The following VPS13D variants were observed in gnomAD, a reference collection of about 807,000 sequenced individuals.
VPS13D encodes the protein intermembrane lipid transfer protein VPS13D.
Under a neutral mutation model 461.9 loss-of-function variants are expected in VPS13D, and 187 were observed. That is an observed-to-expected ratio of 0.40 (90% CI 0.36 to 0.46). The LOEUF (loss-of-function observed/expected upper bound fraction) is 0.46, where lower values mean the gene tolerates loss of function less well. Among genes scored for constraint, VPS13D ranks in the 20% least tolerant of loss-of-function variants. The probability of loss-of-function intolerance (pLI) is 0.60; values close to 1 mark genes in which losing one functional copy is unlikely to be tolerated. For missense variants in VPS13D, 4,711 were observed against 5,364.9 expected (o/e 0.88, Z 3.81); for synonymous variants, 1,951 against 1,986.3 (o/e 0.98, Z 0.47).
chr1:12,319,976 G>A (rs779403038), intron 32 of VPS13D, among the ~76,000 whole-genome samples: 10 of 152,196 alleles, frequency 6.6e-5, no homozygotes, highest in African/African-American at 2.4e-4. Context: ...AGGTGAGGCC[G>A]TGGGTCTCAT....
intron 54 of VPS13D, among the ~76,000 whole-genome samples, chr1:12,371,071 A>AT (rs1644108765): frequency 6.6e-6 from 1 of 152,242 alleles, no homozygotes; most frequent in African/African-American, 2.4e-5. Flanking sequence ...GAGGTGAAAC[A>AT]TAACATAAAA....
chr1:12,508,907 T>G lies in VPS13D; in HGVS notation c.13050T>G (p.Ser4350=). The G allele has an allele frequency of 6.2e-7, 1 of 1,614,102 alleles. No individual in the cohort carries two copies. The highest frequency in any genetic ancestry group is 8.5e-7 in the Non-Finnish European group (1 of 1,179,992). ...CTCCTCCTTAGGTCCATGTGAAATC[T>G]GAGGTCCTTGCTGTCAAGTTGTCAC... ...SHQKPMVHVK[S]EVLAVKLSQE... The change falls in exon 70 of 70, where the codon TCT becomes TCG. Residue 4350 remains serine, a synonymous_variant. Transcript: ENST00000620676.
intron 65 of VPS13D, among the ~76,000 whole-genome samples, chr1:12,455,388 C>T (rs182403698): frequency 1.1e-3 from 163 of 152,310 alleles, no homozygotes; most frequent in Non-Finnish European, 1.8e-3. Flanking sequence ...ATGATACAGT[C>T]CTGAAGCTCA....
chr1:12,257,888 G>C, intron 9 of VPS13D, 47 bp from the exon 10 acceptor site: 10 of 1,606,746 alleles, frequency 6.2e-6, no homozygotes, highest in Non-Finnish European at 8.5e-6. Flanking sequence ...TAGCCTTTTC[G>C]TTGCTTTTGT....
chr1:12,279,702 A>T lies in VPS13D; in HGVS notation c.4602+52A>T, dbSNP rs761063239. ...TCATATGTTTATATTAGTACTCTAT[A>T]AATATGATATATATTTATGTATATT... On this transcript the variant is annotated intron_variant, in intron 20 of 69. Transcript: ENST00000620676. This position sits in a 1 kb window ranked among gnomAD's most constrained non-coding sequence, Gnocchi z 4.3. The T allele has an allele frequency of 1.4e-6, 2 of 1,418,960 alleles. No homozygotes were observed. The highest frequency in any genetic ancestry group is 1.6e-5 in the South Asian group (1 of 63,748). 87.9% of individuals were successfully genotyped at this position (1,418,960 alleles called of 1,614,324 possible).
intron 65 of VPS13D, among the ~76,000 whole-genome samples, chr1:12,445,219 G>C (rs1570184602): frequency 6.6e-6 from 1 of 152,180 alleles, no homozygotes; most frequent in African/African-American, 2.4e-5. Context: ...CAGGAAAGTT[G>C]GTGAATCTTT....
At position 12,462,814 on chromosome 1, in the gene VPS13D, C is replaced by A. The variant is rs117580550; in HGVS notation, c.12662+2418C>A. Among the ~76,000 whole-genome samples the A allele has an allele frequency of 7.2e-5, 11 of 152,282 alleles. No homozygotes were observed. In the East Asian group the frequency reaches 1.5e-3, roughly 21 times the overall value. ...ACACTGCATTTTTGTCTGTCTGTTT[C>A]CTCTGGCCTGCCACCTTAGCCTTAT... is the stretch of plus-strand genomic sequence containing the variant. On this transcript the variant is annotated intron_variant, in intron 67 of 69. Transcript: ENST00000620676.
chr1:12,268,975 G>A, intron 16 of VPS13D, 99 bp downstream of exon 16: 1 of 1,411,270 alleles, frequency 7.1e-7, no homozygotes, highest in Non-Finnish European at 9.4e-7. Flanking sequence ...TGCTCTGATA[G>A]TGACAAAAAA....
At chr1:12,383,915 G>A (rs1052704936) in intron 58 of VPS13D, among the ~76,000 whole-genome samples, 3 of 152,236 alleles carry the variant, frequency 2.0e-5, no homozygotes, top group Non-Finnish European at 4.4e-5. Flanking sequence ...CTCAGCCCAA[G>A]TGGCACACAG....
In VPS13D at chr1:12,373,804, G is replaced by A. The variant is rs151287134; in HGVS notation, c.10863G>A (p.Ala3621=). ...CTTCCAACAAGGCCATTACCTGTGC[G>A]GAGCTCGTTTTGGATGTCTCACCCA... ...PVASNKAITC[A]ELVLDVSPKT... is the part of the protein sequence containing the mutation. Residue 3621 remains alanine (A), a synonymous_variant, in exon 55 of 70, where the codon GCG becomes GCA. Coordinates refer to ENST00000620676, the MANE Select transcript of VPS13D (RefSeq NM_015378.4). 31 of 1,604,938 alleles carry A rather than the reference G, an allele frequency of 1.9e-5. No homozygotes were observed. Among genetic ancestry groups the A allele is most frequent in the East Asian group, 1.4e-4 (6 of 43,820 alleles).
At position 12,261,094 on chromosome 1, in the gene VPS13D, G is replaced by T. The variant is rs1192411559; in HGVS notation, c.1359G>T (p.Val453=). Residue 453 remains valine (V), a synonymous_variant, in exon 12 of 70, where the codon GTG becomes GTT. Coordinates refer to ENST00000620676, the MANE Select transcript of VPS13D (RefSeq NM_015378.4). ...GGCAGCAGACCCCAGAAGGGAATGTGGTTGAGGGACTGTCAGCAGAGCAAC... is the reference window on the plus strand; with the variant it reads ...GGCAGCAGACCCCAGAAGGGAATGTTGTTGAGGGACTGTCAGCAGAGCAAC... ...WYGQQTPEGN[V]VEGLSAEQQE... The T allele has an allele frequency of 5.0e-6, 8 of 1,614,188 alleles. No homozygotes were observed. The highest frequency in any genetic ancestry group is 6.8e-6 in the Non-Finnish European group (8 of 1,180,032).
At chr1:12,316,823 CCT>C (rs898980370) in intron 30 of VPS13D, among the ~76,000 whole-genome samples, 1 of 152,094 alleles carries the variant, frequency 6.6e-6, no homozygotes, top group African/African-American at 2.4e-5. Flanking sequence ...TGCTCCAGCC[CCT>C]GTTTCTCTTG....
At chr1:12,392,754 G>A (rs978536939) in intron 60 of VPS13D, among the ~76,000 whole-genome samples, 1 of 152,022 alleles carries the variant, frequency 6.6e-6, no homozygotes, top group Non-Finnish European at 1.5e-5. Context: ...TTCACCTATG[G>A]GGGCCTGCCA....
chr1:12,322,540 A>G lies in VPS13D; in HGVS notation c.7709A>G (p.Gln2570Arg). ...ACCTTTTTTACATTTTGTTAGATTC[A>G]GTTACAAGCCCTGGATATCAGACTC... is the stretch of plus-strand genomic sequence containing the variant. ...SEDFPPVLEIQLQALDIRLSY... is the reference protein window; with the variant it reads ...SEDFPPVLEIRLQALDIRLSY... The change falls in exon 34 of 70, where the codon CAG becomes CGG. Residue 2570 changes from glutamine to arginine, a missense_variant. Gln to Arg is a conservative substitution (Grantham distance 43). Around this residue, in one of 3 missense-constraint regions of VPS13D, gnomAD observed 4,411 missense variants for 4,937.8 expected, o/e 0.89. Transcript: ENST00000620676. The G allele has an allele frequency of 6.2e-7, 1 of 1,614,022 alleles. No individual in the cohort carries two copies.
At chr1:12,344,522 A>C (rs1385793022) in intron 42 of VPS13D, among the ~76,000 whole-genome samples, 1 of 152,222 alleles carries the variant, frequency 6.6e-6, no homozygotes, top group Non-Finnish European at 1.5e-5. Flanking sequence ...TGGAGAAGCT[A>C]ACTACAGAAC....
At position 12,288,297 on chromosome 1, in the gene VPS13D, A is replaced by C; in HGVS notation, c.5709A>C (p.Ala1903=). 1 of 1,614,140 alleles carries C rather than the reference A, an allele frequency of 6.2e-7. No individual in the cohort carries two copies. The change falls in exon 22 of 70, where the codon GCA becomes GCC. Residue 1903 remains alanine, a synonymous_variant. Transcript: ENST00000620676. ...LAKANVSKLV[A]HLEMIEGDLA... ...AAGCAAATGTGTCCAAATTAGTAGCACACCTGGAAATGATTGGTAAGTGGT... is the reference window on the plus strand; with the variant it reads ...AAGCAAATGTGTCCAAATTAGTAGCCCACCTGGAAATGATTGGTAAGTGGT...
intron 27 of VPS13D, among the ~76,000 whole-genome samples, chr1:12,309,096 A>C (rs1243330103): frequency 1.3e-5 from 2 of 152,160 alleles, no homozygotes; most frequent in African/African-American, 4.8e-5. Context: ...GCTGAACATG[A>C]GGGCTACTGT....
At chr1:12,234,997 G>A (rs1383204295) in intron 2 of VPS13D, among the ~76,000 whole-genome samples, 1 of 152,166 alleles carries the variant, frequency 6.6e-6, no homozygotes, top group African/African-American at 2.4e-5. Context: ...TCCCTGATTT[G>A]GCATGGGAAT....
Position 12,373,815 on chromosome 1 carries a change from T to G in VPS13D, c.10874T>G (p.Leu3625Trp). 6.2e-7 allele frequency: 1 copy of G among 1,607,138 alleles called. No individual in the cohort carries two copies. Among genetic ancestry groups the G allele is most frequent in the Non-Finnish European group, 8.5e-7 (1 of 1,176,632 alleles). Residue 3625 changes from leucine to tryptophan, a missense_variant, in exon 55 of 70, where the codon TTG (leucine) becomes TGG (tryptophan). Transcript: ENST00000620676. ...NKAITCAELV[L>W]DVSPKTQRVI... ...GCCATTACCTGTGCGGAGCTCGTTTTGGATGTCTCACCCAAGACACAAAGA... is the reference window on the plus strand; with the variant it reads ...GCCATTACCTGTGCGGAGCTCGTTTGGGATGTCTCACCCAAGACACAAAGA...
Sources: gnomAD v4.1 joint callset for allele counts (sites outside exome capture counted in the v4.1 genomes callset) on GRCh38, gnomAD v4.1.1 for gene constraint, gnomAD v4.1.1 regional missense constraint, Gnocchi (gnomAD v3.1) non-coding constraint, MANE v1.5 for transcripts, NCBI Gene and HGNC (gene_info 2026-07-23, HGNC 2026-07-21) for gene names.